SPOCK1: variants seen among roughly 807,000 people sequenced by gnomAD.
The protein encoded by SPOCK1 is SPARC (osteonectin), cwcv and kazal like domains proteoglycan 1.
SPOCK1 carries 23 observed loss-of-function variants against 55.3 expected under a neutral mutation model. That is an observed-to-expected ratio of 0.42 (90% CI 0.30 to 0.59). The LOEUF is 0.59. SPOCK1 is among the 20% of genes least tolerant of loss of function. The pLI is 0.22. For synonymous variants in SPOCK1, 226 were observed against 221.0 expected (o/e 1.02, Z -0.20); for missense variants, 499 against 552.5 (o/e 0.90, Z 0.97).
intron 3 of SPOCK1, among the ~76,000 whole-genome samples, chr5:137,259,563 A>G (rs541634684): frequency 9.2e-5 from 14 of 152,252 alleles, no homozygotes; most frequent in African/African-American, 3.4e-4. Context: ...GTTTGCAGCA[A>G]ACCATCATGG....
intron 2 of SPOCK1, chr5:137,365,514 C>T (rs1221711996): frequency 6.6e-6 from 1 of 152,194 alleles, no homozygotes; most frequent in Non-Finnish European, 1.5e-5. Flanking sequence ...AAAAGGAACA[C>T]CAATGCTGGG....
At chr5:137,373,656 C>T (rs934853973) in intron 2 of SPOCK1, among the ~76,000 whole-genome samples, 3 of 152,216 alleles carry the variant, frequency 2.0e-5, no homozygotes, top group African/African-American at 7.2e-5. Context: ...CATGTGTACT[C>T]GGCAGCATGC....
At chr5:137,138,725 G>A (rs1754039278) in intron 4 of SPOCK1, among the ~76,000 whole-genome samples, 1 of 147,746 alleles carries the variant, frequency 6.8e-6, no homozygotes, top group African/African-American at 2.5e-5. Flanking sequence ...AAAAAAAGTG[G>A]TATTTTTTTA....
intron 3 of SPOCK1, among the ~76,000 whole-genome samples, chr5:137,160,673 T>C (rs1649828422): frequency 8.9e-6 from 1 of 112,220 alleles, no homozygotes; most frequent in African/African-American, 3.3e-5. Flanking sequence ...ATATAATATA[T>C]AATATATGTT....
At chr5:137,497,096 G>A (rs1214602183) in intron 2 of SPOCK1, among the ~76,000 whole-genome samples, 1 of 152,088 alleles carries the variant, frequency 6.6e-6, no homozygotes, top group Non-Finnish European at 1.5e-5. Flanking sequence ...AAACATCTGG[G>A]ATTCATTCAA....
rs909292992 is a variant in SPOCK1, at chr5:136,977,685, C to G, written c.*969G>C. 1.5e-5 allele frequency: 6 copies of G among 397,524 alleles called. No homozygotes were observed. The highest frequency in any genetic ancestry group is 1.0e-4 in the African/African-American group (5 of 48,488). The allele number at this position is 397,524 out of a possible 1,614,324, so 24.6% of individuals were successfully genotyped here. On this transcript the variant is annotated 3_prime_UTR_variant, in exon 11 of 11. Coordinates refer to ENST00000394945, the MANE Select transcript of SPOCK1 (RefSeq NM_004598.4). The stretch of plus-strand genomic sequence containing the variant: ...GAAAGAGATGGCTTGTGAAGCTGCC[C>G]GTGTCGTGTGGGAGTCGCATGGCTT...
intron 2 of SPOCK1, among the ~76,000 whole-genome samples, chr5:137,423,271 C>T (rs2149826447): frequency 6.6e-6 from 1 of 152,336 alleles, no homozygotes; most frequent in East Asian, 1.9e-4. Context: ...GTTCTCAGAT[C>T]TCCAGCTGCA....
At chr5:137,461,224 G>A (rs1753483107) in intron 2 of SPOCK1, among the ~76,000 whole-genome samples, 1 of 152,164 alleles carries the variant, frequency 6.6e-6, no homozygotes, top group African/African-American at 2.4e-5. Context: ...TCCGTGTCTT[G>A]GGAGATCCAC....
chr5:137,014,358 G>A (rs1751410254), intron 6 of SPOCK1, among the ~76,000 whole-genome samples: 1 of 152,062 alleles, frequency 6.6e-6, no homozygotes, highest in South Asian at 2.1e-4. Context: ...AGTCTCAGAG[G>A]TATTTCTTTA....
chr5:137,292,295 A>C (rs151335928), intron 2 of SPOCK1, among the ~76,000 whole-genome samples: 32 of 152,140 alleles, frequency 2.1e-4, no homozygotes, highest in African/African-American at 6.5e-4. Context: ...GAACAGTCTT[A>C]ATTACCCCTG....
intron 4 of SPOCK1, among the ~76,000 whole-genome samples, chr5:137,117,142 C>T (rs1266890854): frequency 6.6e-6 from 1 of 152,244 alleles, no homozygotes; most frequent in Non-Finnish European, 1.5e-5. Flanking sequence ...ACACCTCCAT[C>T]TTCCTGCTCA....
intron 2 of SPOCK1, among the ~76,000 whole-genome samples, chr5:137,489,360 A>G (rs1442190341): frequency 6.6e-6 from 1 of 152,224 alleles, no homozygotes; most frequent in Non-Finnish European, 1.5e-5. Context: ...TTTTTAAAAT[A>G]TAAACTCCAC....
intron 6 of SPOCK1, among the ~76,000 whole-genome samples, chr5:137,038,634 T>G (rs1751929454): frequency 6.6e-6 from 1 of 152,212 alleles, no homozygotes; most frequent in African/African-American, 2.4e-5. Flanking sequence ...CCTCTCTGGC[T>G]CTCATTACTT....
intron 7 of SPOCK1, among the ~76,000 whole-genome samples, chr5:136,992,136 G>C (rs1244583918): frequency 6.6e-6 from 1 of 152,140 alleles, no homozygotes; most frequent in Non-Finnish European, 1.5e-5. Context: ...TTCACAACAT[G>C]AAAAGATAGT....
At chr5:137,256,773 C>A (rs1050183135) in intron 3 of SPOCK1, among the ~76,000 whole-genome samples, 1 of 152,104 alleles carries the variant, frequency 6.6e-6, no homozygotes, top group Non-Finnish European at 1.5e-5. Context: ...GGCTACGCAG[C>A]TGCACCAAGT....
intron 3 of SPOCK1, among the ~76,000 whole-genome samples, chr5:137,159,835 A>G (rs1264680829): frequency 2.0e-5 from 3 of 152,092 alleles, no homozygotes; most frequent in Non-Finnish European, 1.5e-5. Flanking sequence ...ATCTGCAATT[A>G]CTTCCTCCAC....
intron 9 of SPOCK1, among the ~76,000 whole-genome samples, chr5:136,984,743 C>T (rs1750806169): frequency 6.6e-6 from 1 of 152,170 alleles, no homozygotes; most frequent in Admixed American, 6.5e-5. Context: ...AGCCCATCTG[C>T]CTCCTTCAAC....
At chr5:137,249,128 CA>C (rs1319888697) in intron 3 of SPOCK1, among the ~76,000 whole-genome samples, 2 of 152,198 alleles carry the variant, frequency 1.3e-5, no homozygotes, top group African/African-American at 4.8e-5. Flanking sequence ...ATTTTCCCAT[CA>C]GCAATGCTAT....
chr5:137,313,984 C>G (rs758391897), intron 2 of SPOCK1, among the ~76,000 whole-genome samples: 1 of 149,980 alleles, frequency 6.7e-6, no homozygotes. Flanking sequence ...CTGCACCACA[C>G]CCACCTGCAG....
Sources: allele counts gnomAD v4.1 joint callset (sites outside exome capture counted in the v4.1 genomes callset), GRCh38; gene constraint gnomAD v4.1.1; transcripts MANE v1.5; gene names NCBI Gene and HGNC (gene_info 2026-07-23, HGNC 2026-07-21).